PLCL2: variants seen among roughly 807,000 people sequenced by gnomAD.
PLCL2 encodes phospholipase C like 2.
In PLCL2, 4 loss-of-function variants were observed where a neutral mutation model predicts 79.6. That is an observed-to-expected ratio of 0.05 (90% confidence interval 0.02 to 0.11). PLCL2 has a LOEUF of 0.11. Ranked by LOEUF, PLCL2 falls within the 10% of genes least tolerant of loss-of-function variation. PLCL2 has a pLI of 1.00. For synonymous variants in PLCL2, 484 were observed against 457.7 expected (o/e 1.06, Z -0.73); for missense variants, 895 against 1,291.0 (o/e 0.69, Z 4.70).
At chr3:17,000,826 A>T (rs2064202212) in intron 1 of PLCL2, among the ~76,000 whole-genome samples, 1 of 152,134 alleles carries the variant, frequency 6.6e-6, no homozygotes, top group African/African-American at 2.4e-5. Context: ...CCATCCATTA[A>T]TGGACTCTTA....
chr3:16,993,558 C>T (rs961202078), intron 1 of PLCL2, among the ~76,000 whole-genome samples: 12 of 152,142 alleles, frequency 7.9e-5, no homozygotes, highest in Admixed American at 2.6e-4. Flanking sequence ...GGCAGCCTGA[C>T]TCTTGGAATA....
intron 1 of PLCL2, among the ~76,000 whole-genome samples, chr3:16,898,442 A>G (rs548468542): frequency 1.2e-4 from 18 of 152,332 alleles, no homozygotes; most frequent in African/African-American, 4.3e-4. Flanking sequence ...AAAAGATTTT[A>G]AAATAGTTAA....
intron 1 of PLCL2, among the ~76,000 whole-genome samples, chr3:17,002,046 T>C (rs1217433465): frequency 1.3e-5 from 2 of 152,160 alleles, no homozygotes; most frequent in African/African-American, 2.4e-5. Context: ...ATCATTTTCA[T>C]TGTAGAGATA....
intron 1 of PLCL2, among the ~76,000 whole-genome samples, chr3:16,980,265 C>A (rs1200974295): frequency 7.4e-6 from 1 of 135,584 alleles, no homozygotes; most frequent in African/African-American, 2.8e-5. Flanking sequence ...GCTGGCCGGG[C>A]GGGGGGCTGA....
intron 1 of PLCL2, among the ~76,000 whole-genome samples, chr3:16,921,487 G>A (rs910409094): frequency 6.6e-6 from 1 of 152,146 alleles, no homozygotes; most frequent in Non-Finnish European, 1.5e-5. Context: ...GAACACATGA[G>A]CTGAGAATAA....
At chr3:16,982,845 T>C (rs975846196) in intron 1 of PLCL2, among the ~76,000 whole-genome samples, 2 of 152,242 alleles carry the variant, frequency 1.3e-5, no homozygotes, top group Non-Finnish European at 2.9e-5. Flanking sequence ...ATTAAATCCC[T>C]TCTTCCTTCT....
chr3:17,079,662 C>A (rs74483267), intron 5 of PLCL2, among the ~76,000 whole-genome samples: 1 of 152,274 alleles, frequency 6.6e-6, no homozygotes, highest in African/African-American at 2.4e-5. Context: ...CCGAGGAGCC[C>A]CCAACCCTCC....
intron 1 of PLCL2, among the ~76,000 whole-genome samples, chr3:16,888,015 T>C (rs972486765): frequency 6.6e-6 from 1 of 152,066 alleles, no homozygotes; most frequent in African/African-American, 2.4e-5. Context: ...CCGGTATTTA[T>C]GGGGTTGTAT....
In PLCL2 at chr3:16,978,005, C is replaced by G. The variant is rs562267824; in HGVS notation, c.328-31669C>G. Among the ~76,000 whole-genome samples the G allele has an allele frequency of 5.3e-4, 80 of 152,336 alleles. No individual in the cohort carries two copies. The South Asian group carries it at 0.017, about 32-fold the overall frequency. On this transcript the variant is annotated intron_variant, in intron 1 of 5. Transcript: ENST00000615277. ...GGCTCTGCCCTCATGACCTAATCAC[C>G]TCCTATAGGCCCCACCCCTTAATAT...
intron 1 of PLCL2, among the ~76,000 whole-genome samples, chr3:16,946,623 A>G (rs1285257108): frequency 6.6e-6 from 1 of 152,162 alleles, no homozygotes; most frequent in Non-Finnish European, 1.5e-5. Flanking sequence ...ACCTATGTAG[A>G]AACTTTTGGA....
intron 1 of PLCL2, among the ~76,000 whole-genome samples, chr3:16,954,144 TTAGGTATATCTCC>T (rs2063679818): frequency 1.3e-5 from 2 of 152,146 alleles, no homozygotes; most frequent in South Asian, 4.2e-4. Context: ...CCATTTAACA[TTAGGTATATCTCC>T]TAATGCTATC....
intron 4 of PLCL2, among the ~76,000 whole-genome samples, chr3:17,066,534 G>T (rs943725141): frequency 6.6e-6 from 1 of 152,238 alleles, no homozygotes; most frequent in Non-Finnish European, 1.5e-5. Context: ...CCCAACTGAA[G>T]AGTAAAAGTG....
At chr3:17,023,114 G>A (rs1468322976) in intron 3 of PLCL2, among the ~76,000 whole-genome samples, 2 of 152,052 alleles carry the variant, frequency 1.3e-5, no homozygotes, top group Non-Finnish European at 2.9e-5. Context: ...TATTCACCTC[G>A]AGGTGGGTAC....
At chr3:16,960,723 A>G (rs1029696502) in intron 1 of PLCL2, among the ~76,000 whole-genome samples, 1 of 152,164 alleles carries the variant, frequency 6.6e-6, no homozygotes, top group African/African-American at 2.4e-5. Context: ...TTGTATGTGG[A>G]TAAATAAATG....
chr3:17,038,858 T>C (rs2064688144), intron 3 of PLCL2, among the ~76,000 whole-genome samples: 3 of 152,184 alleles, frequency 2.0e-5, no homozygotes, highest in Admixed American at 2.0e-4. Flanking sequence ...TTGCCACTCA[T>C]GTGTCAAGAC....
chr3:16,903,555 A>C (rs1486696172), intron 1 of PLCL2, among the ~76,000 whole-genome samples: 1 of 152,198 alleles, frequency 6.6e-6, no homozygotes, highest in South Asian at 2.1e-4. Context: ...ATGATAAGGC[A>C]CAAAAGCCCC....
At chr3:16,933,857 C>T (rs757926778) in intron 1 of PLCL2, among the ~76,000 whole-genome samples, 14 of 152,040 alleles carry the variant, frequency 9.2e-5, no homozygotes, top group Non-Finnish European at 2.9e-5. Flanking sequence ...CACCTGAGGT[C>T]AGGAGTTCGA....
intron 3 of PLCL2, among the ~76,000 whole-genome samples, chr3:17,038,419 A>G (rs2064681481): frequency 6.6e-6 from 1 of 152,222 alleles, no homozygotes; most frequent in East Asian, 1.9e-4. Flanking sequence ...CATTAATGCA[A>G]ATAATGCTTA....
chr3:16,909,727 C>T (rs1164127184), intron 1 of PLCL2, among the ~76,000 whole-genome samples: 1 of 152,148 alleles, frequency 6.6e-6, no homozygotes, highest in Non-Finnish European at 1.5e-5. Context: ...CAGCAAAAGC[C>T]AGAGAGATAT....
Sources: allele counts gnomAD v4.1 joint callset (sites outside exome capture counted in the v4.1 genomes callset), GRCh38; gene constraint gnomAD v4.1.1; transcripts MANE v1.5; gene names NCBI Gene and HGNC (gene_info 2026-07-23, HGNC 2026-07-21).